SLC13A1: variants seen among roughly 807,000 people sequenced by gnomAD.
SLC13A1 encodes Na(+)/sulfate cotransporter.
SLC13A1 carries 65 observed loss-of-function variants against 70.0 expected under a neutral mutation model. The ratio of observed to expected loss-of-function variants is 0.93; its 90% CI spans 0.76 to 1.14. The LOEUF (loss-of-function observed/expected upper bound fraction) is 1.14, where lower values mean the gene tolerates loss of function less well. SLC13A1 is among the 50% of genes most tolerant of loss of function. SLC13A1 has a pLI of 0.00. For synonymous variants in SLC13A1, 275 were observed against 250.5 expected (o/e 1.10, Z -0.92); for missense variants, 726 against 717.8 (o/e 1.01, Z -0.13).
chr7:123,164,600 CT>C (rs1012610727), intron 6 of SLC13A1, among the ~76,000 whole-genome samples: 4 of 151,514 alleles, frequency 2.6e-5, no homozygotes, highest in South Asian at 2.1e-4. Context: ...ATTTCTCTTC[CT>C]TTTTTTCATT....
intron 7 of SLC13A1, among the ~76,000 whole-genome samples, chr7:123,137,617 C>G (rs986043303): frequency 1.2e-4 from 18 of 152,102 alleles, no homozygotes; most frequent in Non-Finnish European, 1.5e-5. Flanking sequence ...CTGCAAGGAA[C>G]CAAATTCTAC....
rs1793670941 is a variant in SLC13A1, at chr7:123,129,324, C to CTCTGTG, written c.1031+58_1031+59insCACAGA. 7.1e-6 allele frequency: 5 copies of CTCTGTG among 708,552 alleles called. No individual in the cohort carries two copies. The African/African-American group carries it at 9.9e-5, about 14-fold the overall frequency. The allele number at this position is 708,552 out of a possible 1,614,324, so 43.9% of individuals were successfully genotyped here. A position where few individuals can be genotyped will look rare whatever the true frequency, so the allele number is the denominator to read the frequency against. On this transcript the variant is annotated intron_variant, in intron 9 of 14. Coordinates refer to ENST00000194130, the MANE Select transcript of SLC13A1 (RefSeq NM_022444.4). ...AGTGTAAACAGCATTTCTCTCTTCTCTGTGTGTGTGTGTGTGTGTGTGTGT... is the reference window on the plus strand; with the variant it reads ...AGTGTAAACAGCATTTCTCTCTTCTCTCTGTGTGTGTGTGTGTGTGTGTGTGTGTGT...
chr7:123,148,554 T>G, intron 6 of SLC13A1: 1 of 420,228 alleles, frequency 2.4e-6, no homozygotes, highest in Non-Finnish European at 4.7e-6. Flanking sequence ...CACCCTTTGT[T>G]GGTTTGATTC....
At chr7:123,143,198 G>A in intron 7 of SLC13A1, among the ~76,000 whole-genome samples, 1 of 152,138 alleles carries the variant, frequency 6.6e-6, no homozygotes, top group East Asian at 1.9e-4. Context: ...AGTTAGTGAA[G>A]AGGGATATGA....
intron 1 of SLC13A1, among the ~76,000 whole-genome samples, chr7:123,188,793 G>C (rs1271600310): frequency 6.6e-6 from 1 of 152,084 alleles, no homozygotes. Context: ...ACACTTTTCT[G>C]TTGTCTCATG....
chr7:123,129,592 C>T, intron 8 of SLC13A1, 111 bp from the exon 9 acceptor site: 1 of 742,850 alleles, frequency 1.3e-6, no homozygotes, highest in Non-Finnish European at 2.3e-6. Flanking sequence ...AATCTCCCTT[C>T]ATGCAATATG....
At chr7:123,138,703 C>T (rs940167287) in intron 7 of SLC13A1, among the ~76,000 whole-genome samples, 6 of 152,038 alleles carry the variant, frequency 3.9e-5, no homozygotes, top group Non-Finnish European at 7.4e-5. Flanking sequence ...TGCCTGTTTG[C>T]CATTTGTATG....
chr7:123,141,069 C>T (rs1354178786), intron 7 of SLC13A1, among the ~76,000 whole-genome samples: 2 of 151,646 alleles, frequency 1.3e-5, no homozygotes, highest in East Asian at 3.9e-4. Context: ...CCTCTTGGTA[C>T]TGTTTTTTGC....
At chr7:123,158,884 CTG>C (rs965332414) in intron 6 of SLC13A1, among the ~76,000 whole-genome samples, 1 of 152,008 alleles carries the variant, frequency 6.6e-6, no homozygotes, top group African/African-American at 2.4e-5. Flanking sequence ...CAAACAAAAA[CTG>C]TGAATTTAAC....
chr7:123,129,022 C>T, intron 9 of SLC13A1, 76 bp from the exon 10 acceptor site: 1 of 949,454 alleles, frequency 1.1e-6, no homozygotes, highest in Non-Finnish European at 1.7e-6. Context: ...GAGCTATTGT[C>T]AGGAATGATC....
At chr7:123,180,309 A>G (rs891897463) in intron 2 of SLC13A1, among the ~76,000 whole-genome samples, 2 of 152,176 alleles carry the variant, frequency 1.3e-5, no homozygotes, top group Admixed American at 1.3e-4. Context: ...ATAGAAGTCC[A>G]AAGGTGATAA....
intron 1 of SLC13A1, among the ~76,000 whole-genome samples, chr7:123,182,977 T>C (rs963816237): frequency 6.6e-6 from 1 of 152,132 alleles, no homozygotes; most frequent in African/African-American, 2.4e-5. Flanking sequence ...ATCAATTTTC[T>C]ATATCCAAAG....
chr7:123,189,070 C>G (rs1327454544), intron 1 of SLC13A1, among the ~76,000 whole-genome samples: 1 of 143,448 alleles, frequency 7.0e-6, no homozygotes, highest in African/African-American at 2.6e-5. Flanking sequence ...AGCCGAGATC[C>G]CGCCACTGCA....
intron 1 of SLC13A1, among the ~76,000 whole-genome samples, chr7:123,193,542 C>G (rs1585413635): frequency 6.6e-6 from 1 of 152,290 alleles, no homozygotes; most frequent in East Asian, 1.9e-4. Context: ...TTCGTGATTG[C>G]AAATGCAGGA....
Position 123,114,978 on chromosome 7 carries a change from T to C in SLC13A1, c.*540A>G, listed in dbSNP as rs1448495504. 6.6e-6 allele frequency: 1 copy of C among 152,250 alleles called. No individual in the cohort carries two copies. The highest frequency in any genetic ancestry group is 1.9e-4 in the East Asian group (1 of 5,198). The allele number at this position is 152,250 out of a possible 1,614,324, so 9.4% of individuals were successfully genotyped here. A position where few individuals can be genotyped will look rare whatever the true frequency, so the allele number is the denominator to read the frequency against. Reference sequence around the variant, plus strand: ...TATTAAGAATAATCCAATTGGATTTTTTAAATGAGGAAATGCACATATCAT... The same window carrying C: ...TATTAAGAATAATCCAATTGGATTTCTTAAATGAGGAAATGCACATATCAT... On this transcript the variant is annotated 3_prime_UTR_variant, in exon 15 of 15. Coordinates refer to ENST00000194130, the MANE Select transcript of SLC13A1 (RefSeq NM_022444.4).
intron 7 of SLC13A1, among the ~76,000 whole-genome samples, chr7:123,144,875 T>C (rs1219004420): frequency 6.6e-6 from 1 of 152,136 alleles, no homozygotes; most frequent in African/African-American, 2.4e-5. Flanking sequence ...AAAGAATGAA[T>C]GTAGTCTTGG....
chr7:123,196,597 A>G (rs1312940894), intron 1 of SLC13A1, among the ~76,000 whole-genome samples: 1 of 151,988 alleles, frequency 6.6e-6, no homozygotes, highest in Admixed American at 6.6e-5. Flanking sequence ...AGCTTAAAAA[A>G]CTGGGGCTCT....
intron 4 of SLC13A1, 101 bp downstream of exon 4, chr7:123,169,047 C>A: frequency 9.8e-7 from 1 of 1,016,704 alleles, no homozygotes; most frequent in Non-Finnish European, 1.5e-6. Flanking sequence ...TCATATCATG[C>A]ATGTATAGAT....
At chr7:123,135,803 G>A (rs750957252) in intron 7 of SLC13A1, among the ~76,000 whole-genome samples, 12 of 152,086 alleles carry the variant, frequency 7.9e-5, no homozygotes, top group Non-Finnish European at 1.3e-4. Context: ...TTTAGCAACT[G>A]GAGGATAATT....
Sources: allele counts gnomAD v4.1 joint callset (sites outside exome capture counted in the v4.1 genomes callset), GRCh38; gene constraint gnomAD v4.1.1; transcripts MANE v1.5; gene names NCBI Gene and HGNC (gene_info 2026-07-23, HGNC 2026-07-21).